Variants in TAFA2 observed in about 807,000 individuals in gnomAD.
TAFA2 encodes the protein TAFA chemokine like family member 2, also known as chemokine-like protein TAFA-2.
Under a neutral mutation model 18.8 loss-of-function variants are expected in TAFA2, and 7 were observed. That is an observed-to-expected ratio of 0.37 (90% CI 0.21 to 0.70). The LOEUF is 0.70. TAFA2 is among the 30% of genes least tolerant of loss of function. The probability of loss-of-function intolerance (pLI) is 0.53; values close to 1 mark genes in which losing one functional copy is unlikely to be tolerated. For missense variants in TAFA2, 122 were observed against 158.1 expected, an observed-to-expected ratio of 0.77 and a Z score of 1.23; for synonymous variants, 60 against 54.2, an observed-to-expected ratio of 1.11 and a Z score of -0.47.
At position 62,024,871 on chromosome 12, in the gene TAFA2, CT is replaced by C. The variant is rs1565720296; in HGVS notation, c.-1-157446del. 2.0e-5 allele frequency among the ~76,000 whole-genome samples: 3 copies of C among 152,212 alleles called. No homozygotes were observed. The South Asian group carries it at 6.2e-4, about 32-fold the overall frequency. On this transcript the variant is annotated intron_variant, in intron 1 of 4. Transcript: ENST00000416284. ...AACATATGAAAAATGCTCAACACCA[CT>C]AATCATCAGAGAAATGTAAATCAAA...
At chr12:62,093,090 CTT>C (rs2136837341) in intron 1 of TAFA2, among the ~76,000 whole-genome samples, 1 of 152,074 alleles carries the variant, frequency 6.6e-6, no homozygotes, top group Non-Finnish European at 1.5e-5. Flanking sequence ...TGGTATTCAA[CTT>C]TATTATTTTA....
At chr12:62,002,984 C>T (rs77451332) in intron 1 of TAFA2, among the ~76,000 whole-genome samples, 2,415 of 152,198 alleles carry the variant, frequency 0.016, 68 homozygotes, top group African/African-American at 0.054. Context: ...ATCCTCTCTA[C>T]CCTTCTTACT....
chr12:61,909,122 C>T (rs1876492650), intron 1 of TAFA2, among the ~76,000 whole-genome samples: 2 of 152,054 alleles, frequency 1.3e-5, no homozygotes, highest in Admixed American at 6.6e-5. Flanking sequence ...CATCCAGGGC[C>T]CTGCACAGGA....
At chr12:62,035,386 A>C (rs1371947683) in intron 1 of TAFA2, among the ~76,000 whole-genome samples, 1 of 152,212 alleles carries the variant, frequency 6.6e-6, no homozygotes, top group African/African-American at 2.4e-5. Flanking sequence ...ACAGGAATAC[A>C]TAGCGCTCTA....
intron 1 of TAFA2, among the ~76,000 whole-genome samples, chr12:62,019,312 ATCCCAT>A: frequency 6.6e-6 from 1 of 152,134 alleles, no homozygotes; most frequent in South Asian, 2.1e-4. Flanking sequence ...TGACCTAGCC[ATCCCAT>A]TACTGGGTAT....
chr12:61,839,191 C>T (rs181413186), intron 2 of TAFA2, among the ~76,000 whole-genome samples: 96 of 152,164 alleles, frequency 6.3e-4, no homozygotes, highest in Admixed American at 2.2e-3. Context: ...CAATGCTCTA[C>T]GTGCTGAGAT....
intron 1 of TAFA2, among the ~76,000 whole-genome samples, chr12:62,211,161 TA>T (rs1565780291): frequency 6.6e-6 from 1 of 152,144 alleles, no homozygotes; most frequent in African/African-American, 2.4e-5. Flanking sequence ...CACAATCTAA[TA>T]AAATAAAAAT....
intron 4 of TAFA2, chr12:61,720,749 T>A: frequency 2.7e-6 from 1 of 372,302 alleles, no homozygotes; most frequent in Non-Finnish European, 5.3e-6. Context: ...TACTTCTCAA[T>A]GAAACTTCTG....
chr12:62,017,179 A>C (rs1880965804), intron 1 of TAFA2, among the ~76,000 whole-genome samples: 2 of 152,074 alleles, frequency 1.3e-5, no homozygotes, highest in African/African-American at 4.8e-5. Context: ...GGGATGGAGG[A>C]TTAATACCAA....
intron 1 of TAFA2, among the ~76,000 whole-genome samples, chr12:61,901,488 G>C (rs888108177): frequency 1.3e-5 from 2 of 149,246 alleles, no homozygotes; most frequent in Non-Finnish European, 3.0e-5. Context: ...CTTTGTAGTT[G>C]AAAAACATTC....
intron 2 of TAFA2, among the ~76,000 whole-genome samples, chr12:61,818,891 A>G (rs567740908): frequency 6.6e-6 from 1 of 152,330 alleles, no homozygotes; most frequent in African/African-American, 2.4e-5. Context: ...ATGGCTACCA[A>G]TGAAAAGACT....
chr12:61,709,845 A>T lies in TAFA2; in HGVS notation c.*561T>A, dbSNP rs1185837890. 2 of 152,266 alleles carry T rather than the reference A, an allele frequency of 1.3e-5. No individual in the cohort carries two copies. Among genetic ancestry groups the T allele is most frequent in the East Asian group, 3.8e-4 (2 of 5,204 alleles). 9.4% of individuals were successfully genotyped at this position (152,266 alleles called of 1,614,324 possible). The stretch of plus-strand genomic sequence containing the variant: ...TATATATTTCCATTCCTTTAACAAA[A>T]GCAACTTTAAGATGTTAAAACATGT... On this transcript the variant is annotated 3_prime_UTR_variant, in exon 5 of 5. Coordinates refer to ENST00000416284, the MANE Select transcript of TAFA2 (RefSeq NM_178539.5).
At chr12:62,079,663 C>CA (rs372534984) in intron 1 of TAFA2, among the ~76,000 whole-genome samples, 11,043 of 122,442 alleles carry the variant, frequency 0.09, 471 homozygotes, top group African/African-American at 0.1. Context: ...GACTCTGTCT[C>CA]AAAAAAAAAA....
At chr12:61,808,855 T>C (rs1871739721) in intron 2 of TAFA2, among the ~76,000 whole-genome samples, 1 of 151,478 alleles carries the variant, frequency 6.6e-6, no homozygotes, top group African/African-American at 2.5e-5. Context: ...CACAAATGAA[T>C]TAACAACTAT....
At chr12:61,721,968 A>T (rs568664522) in intron 4 of TAFA2, among the ~76,000 whole-genome samples, 2,855 of 148,058 alleles carry the variant, frequency 0.019, 97 homozygotes, top group African/African-American at 0.067. Flanking sequence ...AAAAAAAAAA[A>T]GTTTTATTTA....
intron 1 of TAFA2, among the ~76,000 whole-genome samples, chr12:62,170,953 A>C (rs1410449224): frequency 1.3e-5 from 2 of 152,132 alleles, no homozygotes; most frequent in African/African-American, 4.8e-5. Flanking sequence ...GTTTACTCTT[A>C]ATTTTATACT....
At chr12:61,756,529 A>G (rs1869275131) in intron 2 of TAFA2, among the ~76,000 whole-genome samples, 1 of 152,076 alleles carries the variant, frequency 6.6e-6, no homozygotes, top group African/African-American at 2.4e-5. Flanking sequence ...GCGAGTGAAT[A>G]CCACACATCA....
At chr12:61,733,870 G>A (rs1391812180) in intron 4 of TAFA2, among the ~76,000 whole-genome samples, 1 of 150,612 alleles carries the variant, frequency 6.6e-6, no homozygotes. Context: ...GGGCAGTATG[G>A]CCATTTTCAT....
chr12:62,234,881 T>A, intron 1 of TAFA2: 1 of 1,022,166 alleles, frequency 9.8e-7, no homozygotes, highest in Non-Finnish European at 1.5e-6. Context: ...GCTCGGGGCA[T>A]CCCACGATCA....
Sources: allele counts gnomAD v4.1 joint callset (sites outside exome capture counted in the v4.1 genomes callset), GRCh38; gene constraint gnomAD v4.1.1; transcripts MANE v1.5; gene names NCBI Gene and HGNC (gene_info 2026-07-23, HGNC 2026-07-21).